The following GEMIN7 variants were observed in gnomAD, a reference collection of about 807,000 sequenced individuals.
GEMIN7 encodes gem-associated protein 7.
GEMIN7 carries 7 observed loss-of-function variants against 7.8 expected under a neutral mutation model. The observed-to-expected ratio is 0.90, with a 90% CI of 0.51 to 1.69. GEMIN7 has a LOEUF of 1.69. Among genes scored for constraint, GEMIN7 ranks in the 40% most tolerant of loss-of-function variants. The probability of loss-of-function intolerance (pLI) is 0.00; values close to 1 mark genes in which losing one functional copy is unlikely to be tolerated. For missense variants in GEMIN7, 159 were observed against 176.2 expected, an observed-to-expected ratio of 0.90 and a Z score of 0.55; for synonymous variants, 68 against 72.4, an observed-to-expected ratio of 0.94 and a Z score of 0.31.
At chr19:45,082,405 T>A (rs1285833854) in intron 2 of GEMIN7, among the ~76,000 whole-genome samples, 2 of 152,104 alleles carry the variant, frequency 1.3e-5, no homozygotes, top group African/African-American at 4.8e-5. Context: ...CCAGGCTGGG[T>A]CAGGTGTCTC....
At position 45,082,261 on chromosome 19, in the gene GEMIN7, A is replaced by G. The variant is rs545485696; in HGVS notation, c.-9+2232A>G. Reference sequence around the variant, plus strand: ...ACGCCCCAAAGCCACCCTTTCCATGATCTTTGCATTTTGCTCTTCCTTCTG... The same window carrying G: ...ACGCCCCAAAGCCACCCTTTCCATGGTCTTTGCATTTTGCTCTTCCTTCTG... On this transcript the variant is annotated intron_variant, in intron 2 of 2. Transcript: ENST00000270257. 3.9e-4 allele frequency among the ~76,000 whole-genome samples: 60 copies of G among 152,192 alleles called. 1 individual carries two copies. The highest frequency in any genetic ancestry group is 1.4e-3 in the African/African-American group (57 of 41,510).
At chr19:45,087,941 AATTTT>A (rs1444747662) in intron 2 of GEMIN7, among the ~76,000 whole-genome samples, 5 of 127,374 alleles carry the variant, frequency 3.9e-5, no homozygotes, top group African/African-American at 1.5e-4. Flanking sequence ...ATAGATATAT[AATTTT>A]TTTTTTTTTT....
chr19:45,082,764 G>A (rs1417260930), intron 2 of GEMIN7, among the ~76,000 whole-genome samples: 1 of 150,074 alleles, frequency 6.7e-6, no homozygotes, highest in Non-Finnish European at 1.5e-5. Flanking sequence ...GACTCTAGTC[G>A]CACACTACCC....
upstream of GEMIN7, among the ~76,000 whole-genome samples, chr19:45,078,418 C>T (rs978924724): frequency 3.9e-5 from 6 of 152,148 alleles, no homozygotes; most frequent in African/African-American, 1.4e-4. Flanking sequence ...TCACTTTGAT[C>T]AAACCCTGAA....
At chr19:45,080,969 T>A (rs753087045) in intron 2 of GEMIN7, among the ~76,000 whole-genome samples, 1 of 152,040 alleles carries the variant, frequency 6.6e-6, no homozygotes, top group Non-Finnish European at 1.5e-5. Context: ...TGGGGGCTGG[T>A]GAGGCCTGAC....
chr19:45,077,350 A>C (rs188263951), upstream of GEMIN7, among the ~76,000 whole-genome samples: 22 of 152,318 alleles, frequency 1.4e-4, no homozygotes, highest in Admixed American at 7.8e-4. Context: ...ATAGCCAAGC[A>C]GCTCACCTGC....
At chr19:45,081,860 C>T (rs574630169) in intron 2 of GEMIN7, among the ~76,000 whole-genome samples, 3 of 152,064 alleles carry the variant, frequency 2.0e-5, no homozygotes, top group East Asian at 1.9e-4. Context: ...TGACCTCAGG[C>T]GATCTACCCA....
At chr19:45,076,322 C>G (rs768065917), upstream of GEMIN7, 1 of 1,407,418 alleles carries the variant, frequency 7.1e-7, no homozygotes, top group East Asian at 2.8e-5. The surrounding 1 kb of genome is among the most constrained non-coding windows in gnomAD (Gnocchi z 4.9). Flanking sequence ...GGGTTGGCGG[C>G]GGGCGCGGGC....
chr19:45,076,362 G>T, upstream of GEMIN7: 1 of 1,348,732 alleles, frequency 7.4e-7, no homozygotes. This position sits in a 1 kb window ranked among gnomAD's most constrained non-coding sequence, Gnocchi z 4.9. Context: ...TGCCGGCCTT[G>T]CGGCGGGACA....
rs1967848950 is a variant in GEMIN7, at chr19:45,090,249, C to T, written c.135C>T (p.Pro45=). 2 of 1,614,220 alleles carry T rather than the reference C, an allele frequency of 1.2e-6. No individual in the cohort carries two copies. Among genetic ancestry groups the T allele is most frequent in the Non-Finnish European group, 1.7e-6 (2 of 1,180,052 alleles). The change falls in exon 3 of 3, where the codon CCC becomes CCT. Residue 45 remains proline (P), a synonymous_variant. Transcript: ENST00000270257. Reference sequence around the variant, plus strand: ...AGGTTCCTGAAATCCAGGAGTGTCCCATAGCTCAAGAATCCCTGGAATCCC... The same window carrying T: ...AGGTTCCTGAAATCCAGGAGTGTCCTATAGCTCAAGAATCCCTGGAATCCC... The part of the protein sequence containing the change: ...RPEVPEIQEC[P]IAQESLESQE...
In GEMIN7 at chr19:45,090,651, C is replaced by T; in HGVS notation, c.*141C>T. On this transcript the variant is annotated 3_prime_UTR_variant, in exon 3 of 3. Transcript: ENST00000270257. Reference sequence around the variant, plus strand: ...GCCAAGCTTTAAGCAAGTCTGGACTCCTGAGACCTCCTGGGTCTAGTCAGT... The same window carrying T: ...GCCAAGCTTTAAGCAAGTCTGGACTTCTGAGACCTCCTGGGTCTAGTCAGT... The T allele has an allele frequency of 1.4e-6, 1 of 705,378 alleles. No homozygotes were observed. The highest frequency in any genetic ancestry group is 2.7e-5 in the East Asian group (1 of 37,290). The allele number at this position is 705,378 out of a possible 1,614,324, so 43.7% of individuals were successfully genotyped here.
At chr19:45,076,682 T>C, upstream of GEMIN7, 1 of 264,142 alleles carries the variant, frequency 3.8e-6, no homozygotes, top group Non-Finnish European at 7.1e-6. The surrounding 1 kb of genome is among the most constrained non-coding windows in gnomAD (Gnocchi z 4.9). Context: ...CAGCTATCCC[T>C]GATCCCGTTT....
upstream of GEMIN7, among the ~76,000 whole-genome samples, chr19:45,077,088 G>T (rs988116536): frequency 6.6e-6 from 1 of 152,160 alleles, no homozygotes; most frequent in Non-Finnish European, 1.5e-5. Context: ...GGGCATGGTG[G>T]AGCTGAGGCT....
intron 2 of GEMIN7, among the ~76,000 whole-genome samples, chr19:45,087,647 TG>T (rs1967741354): frequency 6.6e-6 from 1 of 151,530 alleles, no homozygotes; most frequent in South Asian, 2.1e-4. Context: ...GTGGCTGGGG[TG>T]GGGAGAGCAA....
upstream of GEMIN7, chr19:45,075,724 C>A: frequency 1.2e-6 from 2 of 1,613,992 alleles, no homozygotes; most frequent in Middle Eastern, 1.7e-4. Flanking sequence ...TGAGCCCTGG[C>A]CGCGGCTGGG....
At chr19:45,083,948 C>T (rs533170016) in intron 2 of GEMIN7, among the ~76,000 whole-genome samples, 2 of 152,048 alleles carry the variant, frequency 1.3e-5, no homozygotes, top group South Asian at 2.1e-4. Flanking sequence ...CGGTGGCTCA[C>T]GCCTGTAATA....
At chr19:45,076,952 A>G (rs887985324), upstream of GEMIN7, 3 of 152,264 alleles carry the variant, frequency 2.0e-5, no homozygotes, top group African/African-American at 7.2e-5. The surrounding 1 kb of genome is among the most constrained non-coding windows in gnomAD (Gnocchi z 4.9). Context: ...AAGACACTAT[A>G]AACATAATTA....
rs151025211 is a variant in GEMIN7 at position 45,090,138 on chromosome 19, C to T, written c.24C>T (p.Pro8=). Residue 8 remains proline, a synonymous_variant, in exon 3 of 3, where the codon CCC becomes CCT. Transcript: ENST00000270257. ...CAATGCAAACTCCAGTGAACATTCC[C>T]GTGCCTGTGCTCCGGCTGCCCCGGG... is the stretch of plus-strand genomic sequence containing the variant. MQTPVNI[P]VPVLRLPRGP... is the part of the protein sequence containing the mutation. The T allele has an allele frequency of 2.2e-5, 36 of 1,613,078 alleles. No homozygotes were observed. In the African/African-American group the frequency reaches 4.0e-4, roughly 18 times the overall value.
At chr19:45,082,605 T>C (rs1967539450) in intron 2 of GEMIN7, among the ~76,000 whole-genome samples, 1 of 152,052 alleles carries the variant, frequency 6.6e-6, no homozygotes, top group South Asian at 2.1e-4. Context: ...CAATGCTAGA[T>C]AATGTGGATG....
Sources: gnomAD v4.1 joint callset for allele counts (sites outside exome capture counted in the v4.1 genomes callset) on GRCh38, gnomAD v4.1.1 for gene constraint, Gnocchi (gnomAD v3.1) non-coding constraint, MANE v1.5 for transcripts, NCBI Gene and HGNC (gene_info 2026-07-23, HGNC 2026-07-21) for gene names.